The following INTS7 variants were observed in gnomAD, a reference collection of about 807,000 sequenced individuals.
INTS7 encodes chromosome 1 open reading frame 73.
In INTS7, 46 loss-of-function variants were observed where a neutral mutation model predicts 109.2. The ratio of observed to expected loss-of-function variants is 0.42; its 90% CI spans 0.33 to 0.54. The LOEUF (loss-of-function observed/expected upper bound fraction) is 0.54. INTS7 is among the 20% of genes least tolerant of loss of function. The probability of loss-of-function intolerance (pLI) is 0.07; values close to 1 mark genes in which losing one functional copy is unlikely to be tolerated. For synonymous variants in INTS7, 412 were observed against 402.9 expected (o/e 1.02, Z -0.27); for missense variants, 929 against 1,132.4 (o/e 0.82, Z 2.58).
At chr1:211,994,094 G>T (rs1209492592) in intron 7 of INTS7, among the ~76,000 whole-genome samples, 1 of 151,948 alleles carries the variant, frequency 6.6e-6, no homozygotes, top group Non-Finnish European at 1.5e-5. Flanking sequence ...AGTAACAAAA[G>T]AAGGAAAGAC....
chr1:211,985,615 A>G (rs1664860859), intron 8 of INTS7, among the ~76,000 whole-genome samples: 1 of 152,214 alleles, frequency 6.6e-6, no homozygotes, highest in Non-Finnish European at 1.5e-5. Flanking sequence ...AAGAAAAAGA[A>G]AGTTATTGTG....
At chr1:212,002,505 C>T (rs1348532125) in intron 7 of INTS7, among the ~76,000 whole-genome samples, 1 of 152,226 alleles carries the variant, frequency 6.6e-6, no homozygotes, top group Non-Finnish European at 1.5e-5. Context: ...CATCACCTAA[C>T]ATCACCTCCT....
chr1:212,035,444 A>ACT lies in INTS7; in HGVS notation c.-8_-7insAG. The ACT allele has an allele frequency of 2.5e-6, 4 of 1,603,844 alleles. No homozygotes were observed. The highest frequency in any genetic ancestry group is 3.4e-6 in the Non-Finnish European group (4 of 1,170,706). On this transcript the variant is annotated 5_prime_UTR_variant, in exon 1 of 20. Coordinates refer to ENST00000366994, the MANE Select transcript of INTS7 (RefSeq NM_015434.4). ...TAGTTGAGTTTGACGCCATGACCCG[A>ACT]ATAGTTACTCGACTAGCCTAGTCAG...
intron 16 of INTS7, among the ~76,000 whole-genome samples, chr1:211,957,585 G>A (rs1433160495): frequency 6.6e-6 from 1 of 152,084 alleles, no homozygotes; most frequent in African/African-American, 2.4e-5. Context: ...GTTGTATGGC[G>A]TTCTTAATAA....
rs775594908 is a variant in INTS7 at position 212,027,093 on chromosome 1, T to C, written c.95-5881A>G. 2.0e-5 allele frequency among the ~76,000 whole-genome samples: 3 copies of C among 152,244 alleles called. No individual in the cohort carries two copies. In the East Asian group the frequency reaches 5.8e-4, roughly 29 times the overall value. Reference sequence around the variant, plus strand: ...GAACTAAAGAATATTAAACCTCTTCTGTATTTTCTGATGTAAGAGCCCTCC... The same window carrying C: ...GAACTAAAGAATATTAAACCTCTTCCGTATTTTCTGATGTAAGAGCCCTCC... On this transcript the variant is annotated intron_variant, in intron 1 of 19. Transcript: ENST00000366994.
chr1:211,974,207 T>C (rs564368089), intron 13 of INTS7, among the ~76,000 whole-genome samples: 1 of 149,994 alleles, frequency 6.7e-6, no homozygotes, highest in African/African-American at 2.4e-5. Context: ...CCAGTAATTA[T>C]ATTTTTTAAT....
chr1:212,032,706 C>T (rs1193005774), intron 1 of INTS7, among the ~76,000 whole-genome samples: 2 of 152,146 alleles, frequency 1.3e-5, no homozygotes, highest in South Asian at 4.2e-4. Context: ...GTCTCGATCT[C>T]CTGACTTCGT....
chr1:211,945,475 C>G (rs1181238475), intron 18 of INTS7, among the ~76,000 whole-genome samples: 1 of 152,160 alleles, frequency 6.6e-6, no homozygotes, highest in Non-Finnish European at 1.5e-5. Context: ...AGTTTTTCTT[C>G]AAAAATGTAT....
Position 212,011,379 on chromosome 1 carries a change from A to C in INTS7, c.552T>G (p.Ile184Met). The C allele has an allele frequency of 6.4e-7, 1 of 1,553,832 alleles. No individual in the cohort carries two copies. Among genetic ancestry groups the C allele is most frequent in the Middle Eastern group, 1.8e-4 (1 of 5,480 alleles). ...TACTAAATGAAGAATACATACCTTG[A>C]ATCATTTCACTGATTTTGTTACAGA... ...VGICNKISEM[I>M]QGLATPVDLK... Residue 184 changes from isoleucine (I) to methionine (M), a missense_variant, in exon 5 of 20, where the codon ATT (isoleucine) becomes ATG (methionine). Ile to Met is a conservative substitution (Grantham distance 10). Around this residue, in one of 2 missense-constraint regions of INTS7, gnomAD observed 142 missense variants for 231.4 expected, o/e 0.61. Transcript: ENST00000366994.
At chr1:211,962,725 C>T (rs768211374) in intron 16 of INTS7, among the ~76,000 whole-genome samples, 3 of 152,136 alleles carry the variant, frequency 2.0e-5, no homozygotes, top group Non-Finnish European at 2.9e-5. Flanking sequence ...CCAAGAAAAT[C>T]GCTCAAAACC....
In INTS7 at chr1:212,006,711, CTT is replaced by C; in HGVS notation, c.805_806del (p.Lys269GlufsTer12). 6.2e-7 allele frequency: 1 copy of C among 1,603,460 alleles called. No homozygotes were observed. The highest frequency in any genetic ancestry group is 1.1e-5 in the South Asian group (1 of 90,132). On this transcript the variant is annotated frameshift_variant, in exon 7 of 20. Transcript: ENST00000366994. LOFTEE classifies it high-confidence loss of function. ...YLKNDPRKAV[K>X]RLAIQDLKLL... is the part of the protein sequence containing the mutation. ...ATTTCAGATCTTGAATAGCAAGTCT[CTT>C]TACTGCCTTCCTGGGATCATTCTTC...
At position 211,944,863 on chromosome 1, in the gene INTS7, G is replaced by A; in HGVS notation, c.2522C>T (p.Pro841Leu). The A allele has an allele frequency of 6.2e-7, 1 of 1,614,124 alleles. No homozygotes were observed. The highest frequency in any genetic ancestry group is 8.5e-7 in the Non-Finnish European group (1 of 1,179,952). Residue 841 changes from proline (P) to leucine (L), a missense_variant, in exon 19 of 20, where the codon CCA becomes CTA. Pro to Leu is a moderately conservative substitution (Grantham distance 98). Coordinates refer to ENST00000366994, the MANE Select transcript of INTS7 (RefSeq NM_015434.4). ...AGACTGAATTTTGCGGAAGAGTCCT[G>A]GTTTAGATCCGTGCTGAACCACTCC... ...VEGVVQHGSK[P>L]GLFRKIQSVC... is the part of the protein sequence containing the mutation.
At chr1:212,006,573 A>C (rs1665918579) in intron 7 of INTS7, 66 bp downstream of exon 7, 2 of 777,564 alleles carry the variant, frequency 2.6e-6, no homozygotes, top group Admixed American at 4.0e-5. Context: ...TAAAAATGCA[A>C]AACATTTTAC....
rs778003122 is a variant in INTS7, at chr1:211,987,850, A to T, written c.997+36T>A. The T allele has an allele frequency of 3.4e-6, 4 of 1,176,310 alleles. No homozygotes were observed. In the East Asian group the frequency reaches 9.5e-5, roughly 28 times the overall value. The allele number at this position is 1,176,310 out of a possible 1,614,324, so 72.9% of individuals were successfully genotyped here. A position where few individuals can be genotyped will look rare whatever the true frequency, so the allele number is the denominator to read the frequency against. ...CATAAATATGGATAAAGGAGTTAGC[A>T]CATTATTTATATGGTATCTCCTGTC... On this transcript the variant is annotated intron_variant, in intron 8 of 19. Transcript: ENST00000366994.
At chr1:211,970,833 G>GA (rs1664137215) in intron 13 of INTS7, among the ~76,000 whole-genome samples, 1 of 152,146 alleles carries the variant, frequency 6.6e-6, no homozygotes, top group Non-Finnish European at 1.5e-5. Context: ...AAGCCACTGG[G>GA]AAAAAACTGG....
At chr1:211,972,146 G>A (rs2102415196) in intron 13 of INTS7, among the ~76,000 whole-genome samples, 1 of 152,026 alleles carries the variant, frequency 6.6e-6, no homozygotes, top group Admixed American at 6.5e-5. Context: ...ATTTTAAAAG[G>A]TAATGGTAAT....
intron 1 of INTS7, among the ~76,000 whole-genome samples, chr1:212,025,267 G>A (rs560698824): frequency 8.0e-4 from 121 of 152,122 alleles, no homozygotes; most frequent in Non-Finnish European, 1.4e-3. Flanking sequence ...TATTTTATAT[G>A]ACATTATGGA....
intron 7 of INTS7, among the ~76,000 whole-genome samples, chr1:211,995,582 T>C (rs536645468): frequency 7.5e-4 from 115 of 152,356 alleles, no homozygotes; most frequent in African/African-American, 2.6e-3. Context: ...GATTCTTTTA[T>C]GCAGATAAAA....
chr1:211,978,993 CTAAG>C (rs1386959609), intron 10 of INTS7, among the ~76,000 whole-genome samples: 1 of 152,146 alleles, frequency 6.6e-6, no homozygotes, highest in Non-Finnish European at 1.5e-5. Flanking sequence ...TTAGATGACT[CTAAG>C]TACACTGAAG....
Sources: gnomAD v4.1 joint callset for allele counts (sites outside exome capture counted in the v4.1 genomes callset) on GRCh38, gnomAD v4.1.1 for gene constraint, gnomAD v4.1.1 regional missense constraint, MANE v1.5 for transcripts, NCBI Gene and HGNC (gene_info 2026-07-23, HGNC 2026-07-21) for gene names.